The following AKAP19 variants were observed in gnomAD, a reference collection of about 807,000 sequenced individuals.
The protein encoded by AKAP19 is A-kinase anchoring protein 19, also known as small A-kinase anchoring protein.
the AKAP19 span, among the ~76,000 whole-genome samples, chr2:190,037,598 A>G: frequency 6.6e-6 from 1 of 152,228 alleles, no homozygotes; most frequent in Non-Finnish European, 1.5e-5. Flanking sequence ...AGGTAAGAAC[A>G]GTTTAAAAGG....
At chr2:189,902,160 G>A in the AKAP19 span, among the ~76,000 whole-genome samples, 1 of 151,854 alleles carries the variant, frequency 6.6e-6, no homozygotes, top group Admixed American at 6.6e-5. Context: ...AAGACTAGGA[G>A]ATTATATTCA....
the AKAP19 span, among the ~76,000 whole-genome samples, chr2:189,883,507 G>GTTTTTTTTTTTTTT: frequency 8.1e-6 from 1 of 123,776 alleles, no homozygotes; most frequent in African/African-American, 2.8e-5. Flanking sequence ...GTTTCTTCCT[G>GTTTTTTTTTTTTTT]TTTTTTTTTT....
the AKAP19 span, among the ~76,000 whole-genome samples, chr2:190,072,397 C>T: frequency 2.6e-5 from 4 of 151,814 alleles, no homozygotes; most frequent in East Asian, 1.9e-4. Context: ...CCTGCACCCC[C>T]GAATCTAAAA....
At chr2:189,894,835 A>G in the AKAP19 span, among the ~76,000 whole-genome samples, 1 of 151,660 alleles carries the variant, frequency 6.6e-6, no homozygotes, top group African/African-American at 2.4e-5. Context: ...CTTATTTCAA[A>G]TATCAGGAAA....
At chr2:189,938,990 A>C in the AKAP19 span, among the ~76,000 whole-genome samples, 3 of 152,158 alleles carry the variant, frequency 2.0e-5, no homozygotes, top group Non-Finnish European at 2.9e-5. Context: ...CACTGGAAAA[A>C]GTGAGGTTGA....
the AKAP19 span, among the ~76,000 whole-genome samples, chr2:190,035,496 C>T: frequency 1.3e-5 from 2 of 152,176 alleles, no homozygotes; most frequent in African/African-American, 4.8e-5. Flanking sequence ...GTCCCTCATG[C>T]CACTTTGTTT....
At chr2:190,048,287 A>C in the AKAP19 span, among the ~76,000 whole-genome samples, 1 of 152,208 alleles carries the variant, frequency 6.6e-6, no homozygotes, top group African/African-American at 2.4e-5. Context: ...GGCATGTAAC[A>C]GTAGTCACAT....
At chr2:190,021,558 AG>A in the AKAP19 span, among the ~76,000 whole-genome samples, 1 of 152,236 alleles carries the variant, frequency 6.6e-6, no homozygotes, top group Non-Finnish European at 1.5e-5. Flanking sequence ...GTTAGCTGAT[AG>A]CCTCCAGCTG....
At chr2:190,000,682 G>T in the AKAP19 span, among the ~76,000 whole-genome samples, 1 of 151,976 alleles carries the variant, frequency 6.6e-6, no homozygotes, top group African/African-American at 2.4e-5. Context: ...TTTTCTTTCA[G>T]CACTTTGAAT....
At chr2:189,907,308 G>A in the AKAP19 span, among the ~76,000 whole-genome samples, 4 of 152,174 alleles carry the variant, frequency 2.6e-5, no homozygotes, top group South Asian at 4.2e-4. Context: ...TAGCCACACT[G>A]GCTCCTTGGC....
chr2:190,093,193 C>A, the AKAP19 span, among the ~76,000 whole-genome samples: 1 of 151,726 alleles, frequency 6.6e-6, no homozygotes, highest in African/African-American at 2.4e-5. Context: ...GAGGCCAAGG[C>A]GGGTGGATCA....
the AKAP19 span, among the ~76,000 whole-genome samples, chr2:190,141,345 G>A: frequency 1.3e-5 from 2 of 152,078 alleles, no homozygotes; most frequent in Non-Finnish European, 2.9e-5. Context: ...CCACTCTACT[G>A]GTACCAGTTT....
the AKAP19 span, among the ~76,000 whole-genome samples, chr2:190,067,952 G>A: frequency 2.6e-5 from 4 of 152,060 alleles, no homozygotes; most frequent in African/African-American, 9.7e-5. Flanking sequence ...CTGTATCACA[G>A]CACTTTGGGA....
the AKAP19 span, among the ~76,000 whole-genome samples, chr2:190,191,474 T>C: frequency 6.6e-6 from 1 of 152,180 alleles, no homozygotes; most frequent in South Asian, 2.1e-4. Context: ...TGAACACAAA[T>C]TTTCATGTAT....
the AKAP19 span, among the ~76,000 whole-genome samples, chr2:189,968,981 A>G: frequency 6.6e-6 from 1 of 152,288 alleles, no homozygotes; most frequent in South Asian, 2.1e-4. Flanking sequence ...CTGTTATCCA[A>G]ATACCTGCAG....
the AKAP19 span, among the ~76,000 whole-genome samples, chr2:189,936,325 T>A: frequency 6.6e-6 from 1 of 151,992 alleles, no homozygotes; most frequent in Non-Finnish European, 1.5e-5. Flanking sequence ...AGTGCATTAT[T>A]GTTATAACTG....
At chr2:189,898,556 T>C in the AKAP19 span, among the ~76,000 whole-genome samples, 2 of 152,366 alleles carry the variant, frequency 1.3e-5, no homozygotes, top group East Asian at 3.9e-4. Context: ...TTTTGGCATG[T>C]GTATATATGC....
At chr2:189,901,309 G>A in the AKAP19 span, among the ~76,000 whole-genome samples, 9 of 151,812 alleles carry the variant, frequency 5.9e-5, no homozygotes, top group South Asian at 4.2e-4. Flanking sequence ...TTAAAATTAC[G>A]TAAGTAGATA....
chr2:190,175,370 A>G, the AKAP19 span, among the ~76,000 whole-genome samples: 1 of 152,268 alleles, frequency 6.6e-6, no homozygotes, highest in Non-Finnish European at 1.5e-5. Context: ...GAGAAGAAAT[A>G]GACTGATGGT....
Sources: allele counts gnomAD v4.1 joint callset (sites outside exome capture counted in the v4.1 genomes callset), GRCh38; gene constraint gnomAD v4.1.1; transcripts MANE v1.5; gene names NCBI Gene and HGNC (gene_info 2026-07-23, HGNC 2026-07-21).